The following THEMIS variants were observed in gnomAD, a reference collection of about 807,000 sequenced individuals.
THEMIS encodes the protein thymocyte selection associated.
Under a neutral mutation model 52.6 loss-of-function variants are expected in THEMIS, and 37 were observed. That is an observed-to-expected ratio of 0.70 (90% CI 0.54 to 0.93). The LOEUF (loss-of-function observed/expected upper bound fraction) is 0.93, where lower values mean the gene tolerates loss of function less well. Among genes scored for constraint, THEMIS ranks in the 40% least tolerant of loss-of-function variants. The probability of loss-of-function intolerance (pLI) is 0.00; values close to 1 mark genes in which losing one functional copy is unlikely to be tolerated. For synonymous variants in THEMIS, 292 were observed against 272.7 expected (o/e 1.07, Z -0.70); for missense variants, 808 against 763.1 (o/e 1.06, Z -0.69).
At chr6:127,757,624 A>T (rs1014627120) in intron 4 of THEMIS, among the ~76,000 whole-genome samples, 2 of 152,046 alleles carry the variant, frequency 1.3e-5, no homozygotes, top group African/African-American at 2.4e-5. Flanking sequence ...CTGGGACTAC[A>T]GGCGCCCGCC....
chr6:127,890,065 T>C (rs749282604), intron 1 of THEMIS, among the ~76,000 whole-genome samples: 2 of 152,144 alleles, frequency 1.3e-5, no homozygotes, highest in Non-Finnish European at 2.9e-5. Context: ...TTTCACAACA[T>C]GAAATTTATG....
intron 4 of THEMIS, among the ~76,000 whole-genome samples, chr6:127,801,686 C>T (rs1001280359): frequency 4.6e-5 from 7 of 152,104 alleles, no homozygotes; most frequent in African/African-American, 1.7e-4. Context: ...GGAGATAAAC[C>T]CTGCGCTGCC....
Position 127,789,912 on chromosome 6 carries a change from C to T in THEMIS, c.1758+22971G>A, listed in dbSNP as rs1309549830. ...AGAGCCATTTATGACAAACCCACAG[C>T]CAATATCATATTGCATGGGCAAAAG... On this transcript the variant is annotated intron_variant, in intron 4 of 5. Coordinates refer to ENST00000368248, the MANE Select transcript of THEMIS (RefSeq NM_001010923.3). 2.6e-5 allele frequency among the ~76,000 whole-genome samples: 4 copies of T among 152,164 alleles called. No individual in the cohort carries two copies. The East Asian group carries it at 7.7e-4, about 29-fold the overall frequency.
intron 4 of THEMIS, among the ~76,000 whole-genome samples, chr6:127,784,437 T>C (rs1416524268): frequency 6.6e-6 from 1 of 152,194 alleles, no homozygotes; most frequent in East Asian, 1.9e-4. Flanking sequence ...ATTTAGGCTA[T>C]ATCCCTCTTG....
chr6:127,700,876 G>A, the THEMIS span, among the ~76,000 whole-genome samples: 9 of 151,812 alleles, frequency 5.9e-5, no homozygotes, highest in South Asian at 1.0e-3. Flanking sequence ...CATGTACTAC[G>A]TATACAATCA....
At chr6:127,872,578 A>C (rs1431173994) in intron 1 of THEMIS, among the ~76,000 whole-genome samples, 2 of 152,092 alleles carry the variant, frequency 1.3e-5, no homozygotes, top group Non-Finnish European at 2.9e-5. Context: ...AAAAAACAAA[A>C]AACTCTCAGA....
At chr6:127,762,163 T>C (rs1353023786) in intron 4 of THEMIS, among the ~76,000 whole-genome samples, 1 of 152,044 alleles carries the variant, frequency 6.6e-6, no homozygotes, top group Non-Finnish European at 1.5e-5. Context: ...TATAGAAAGA[T>C]AAATATATCA....
chr6:127,827,074 A>T (rs866116752), intron 3 of THEMIS, among the ~76,000 whole-genome samples: 1 of 152,000 alleles, frequency 6.6e-6, no homozygotes, highest in South Asian at 2.1e-4. Context: ...TGTAGTTCTC[A>T]GTATTTTTCA....
At chr6:127,774,850 T>C (rs1776506470) in intron 4 of THEMIS, among the ~76,000 whole-genome samples, 1 of 152,188 alleles carries the variant, frequency 6.6e-6, no homozygotes, top group African/African-American at 2.4e-5. Flanking sequence ...AGCAAATAGA[T>C]TGAGGCTAGT....
chr6:127,703,110 G>A (rs1773747828), downstream of THEMIS, among the ~76,000 whole-genome samples: 1 of 138,234 alleles, frequency 7.2e-6, no homozygotes. Flanking sequence ...TGCAGTGGCG[G>A]GATCTCGGCT....
chr6:127,880,214 T>C (rs186659605), intron 1 of THEMIS, among the ~76,000 whole-genome samples: 2 of 152,270 alleles, frequency 1.3e-5, no homozygotes, highest in African/African-American at 4.8e-5. Flanking sequence ...AAACAGTACA[T>C]TAAAATTATC....
chr6:127,768,569 C>A (rs1335620218), intron 4 of THEMIS, among the ~76,000 whole-genome samples: 1 of 152,086 alleles, frequency 6.6e-6, no homozygotes, highest in Admixed American at 6.6e-5. Context: ...AGGAAAATTT[C>A]TTTTATAAAA....
At chr6:127,879,932 A>C (rs975503075) in intron 1 of THEMIS, among the ~76,000 whole-genome samples, 2 of 152,094 alleles carry the variant, frequency 1.3e-5, no homozygotes, top group African/African-American at 4.8e-5. Flanking sequence ...CCCAGCTGCG[A>C]AGCCCACCCT....
intron 1 of THEMIS, among the ~76,000 whole-genome samples, chr6:127,867,931 C>A (rs926665569): frequency 2.0e-5 from 3 of 152,068 alleles, no homozygotes; most frequent in Admixed American, 6.6e-5. Context: ...TAAACACACA[C>A]ACACACACAC....
intron 4 of THEMIS, among the ~76,000 whole-genome samples, chr6:127,738,913 T>C (rs935675604): frequency 1.9e-4 from 29 of 152,178 alleles, no homozygotes; most frequent in African/African-American, 6.8e-4. Flanking sequence ...TTATATTAGT[T>C]TCCTAGGGCT....
chr6:127,761,924 A>G (rs1302249423), intron 4 of THEMIS, among the ~76,000 whole-genome samples: 1 of 152,178 alleles, frequency 6.6e-6, no homozygotes, highest in Non-Finnish European at 1.5e-5. Flanking sequence ...AAGAACTGAA[A>G]TCGGTATCTC....
At chr6:127,915,509 C>T (rs934988067) in intron 1 of THEMIS, among the ~76,000 whole-genome samples, 1 of 139,426 alleles carries the variant, frequency 7.2e-6, no homozygotes, top group Admixed American at 7.3e-5. Flanking sequence ...AAAGGCAGGG[C>T]AAATAAAGAT....
rs539261393 is a variant in THEMIS, at chr6:127,788,651, G to A, written c.1758+24232C>T. Among the ~76,000 whole-genome samples, 5 of 152,160 alleles carry A rather than the reference G, an allele frequency of 3.3e-5. No homozygotes were observed. The East Asian group carries it at 9.6e-4, about 29-fold the overall frequency. On this transcript the variant is annotated intron_variant, in intron 4 of 5. Coordinates refer to ENST00000368248, the MANE Select transcript of THEMIS (RefSeq NM_001010923.3). Reference sequence around the variant, plus strand: ...ACATTTTAGCCCCATATATTTTCTTGAAAAGGCACAACAAAAATGATCACA... The same window carrying A: ...ACATTTTAGCCCCATATATTTTCTTAAAAAGGCACAACAAAAATGATCACA...
intron 4 of THEMIS, among the ~76,000 whole-genome samples, chr6:127,734,111 A>C (rs1389532476): frequency 1.3e-5 from 2 of 152,234 alleles, no homozygotes; most frequent in Admixed American, 6.5e-5. Flanking sequence ...ATTGAGAAAA[A>C]AAATAGGAGG....
Sources: allele counts gnomAD v4.1 joint callset (sites outside exome capture counted in the v4.1 genomes callset), GRCh38; gene constraint gnomAD v4.1.1; transcripts MANE v1.5; gene names NCBI Gene and HGNC (gene_info 2026-07-23, HGNC 2026-07-21).